The following COMMD10 variants were observed in gnomAD, a reference collection of about 807,000 sequenced individuals.
The protein encoded by COMMD10 is COMM domain-containing protein 10.
COMMD10 carries 33 observed loss-of-function variants against 28.9 expected under a neutral mutation model. That is an observed-to-expected ratio of 1.14 (90% CI 0.87 to 1.53). The LOEUF (loss-of-function observed/expected upper bound fraction) is 1.53, where lower values mean the gene tolerates loss of function less well. Among genes scored for constraint, COMMD10 ranks in the 40% most tolerant of loss-of-function variants. The pLI is 0.00. For missense variants in COMMD10, 310 were observed against 233.4 expected, an observed-to-expected ratio of 1.33 and a Z score of -2.14; for synonymous variants, 110 against 81.7, an observed-to-expected ratio of 1.35 and a Z score of -1.87.
At chr5:116,135,339 T>A in intron 5 of COMMD10, among the ~76,000 whole-genome samples, 1 of 152,240 alleles carries the variant, frequency 6.6e-6, no homozygotes, top group Non-Finnish European at 1.5e-5. Context: ...TGCAGGTTTC[T>A]GGCTTCTTTA....
At chr5:116,160,484 A>G (rs1412607907) in intron 5 of COMMD10, among the ~76,000 whole-genome samples, 1 of 152,216 alleles carries the variant, frequency 6.6e-6, no homozygotes, top group Non-Finnish European at 1.5e-5. Context: ...TAAAGCTAGA[A>G]AGACAGGAAT....
chr5:116,092,686 C>A lies in COMMD10; in HGVS notation c.385C>A (p.Leu129Met). The A allele has an allele frequency of 1.9e-6, 3 of 1,606,414 alleles. No individual in the cohort carries two copies. Among genetic ancestry groups the A allele is most frequent in the Non-Finnish European group, 2.6e-6 (3 of 1,176,216 alleles). ...AGTTGAAAAGTTCCGGCAGAGAATT[C>A]TGGCTCCCTGTAAGGTATAGAACAT... The part of the protein sequence containing the change: ...ETVEKFRQRI[L>M]APCKLETVGW... Residue 129 changes from leucine to methionine, a missense_variant, in exon 4 of 7, where the codon CTG becomes ATG. Transcript: ENST00000274458.
intron 5 of COMMD10, among the ~76,000 whole-genome samples, chr5:116,270,770 CTACTGAA>C (rs967688481): frequency 5.3e-5 from 8 of 151,768 alleles, no homozygotes; most frequent in Admixed American, 3.9e-4. Context: ...AACCCCATCT[CTACTGAA>C]TACAGAAGAA....
intron 5 of COMMD10, among the ~76,000 whole-genome samples, chr5:116,187,954 A>G (rs1267696688): frequency 6.6e-6 from 1 of 152,186 alleles, no homozygotes; most frequent in Non-Finnish European, 1.5e-5. Flanking sequence ...GTTTGGTAAT[A>G]TAGGAACCAA....
chr5:116,183,851 C>T (rs886178334), intron 5 of COMMD10, among the ~76,000 whole-genome samples: 6 of 151,982 alleles, frequency 3.9e-5, no homozygotes, highest in African/African-American at 7.2e-5. Context: ...GCAGGCTATA[C>T]GTGAATAGAA....
Position 116,225,352 on chromosome 5 carries a change from GGA to G in COMMD10, c.511-66164_511-66163del, listed in dbSNP as rs1491589189. On this transcript the variant is annotated intron_variant, in intron 5 of 6. Transcript: ENST00000274458. ...AAGACTTTCCTGTTTGTTTTTTTGGGGATTTTTTTTTTTTTTTTTGCATATGT... is the reference window on the plus strand; with the variant it reads ...AAGACTTTCCTGTTTGTTTTTTTGGGTTTTTTTTTTTTTTTTTGCATATGT... 1.9e-3 allele frequency among the ~76,000 whole-genome samples: 79 copies of G among 42,108 alleles called. 2 individuals are homozygous for G. Among genetic ancestry groups the G allele is most frequent in the Middle Eastern group, 0.028 (1 of 36 alleles). 27.6% of individuals were successfully genotyped at this position (42,108 alleles called of 152,430 possible). A position where few individuals can be genotyped will look rare whatever the true frequency, so the allele number is the denominator to read the frequency against.
intron 5 of COMMD10, among the ~76,000 whole-genome samples, chr5:116,194,588 G>C (rs1045363721): frequency 6.6e-6 from 1 of 152,096 alleles, no homozygotes; most frequent in Non-Finnish European, 1.5e-5. Flanking sequence ...TAAATTCCTG[G>C]AAAGATGCAA....
rs560037188 is a variant in COMMD10 at position 116,182,168 on chromosome 5, C to T, written c.510+47990C>T. Among the ~76,000 whole-genome samples the T allele has an allele frequency of 1.6e-4, 25 of 151,998 alleles. 1 individual carries two copies. The South Asian group carries it at 3.1e-3, about 19-fold the overall frequency. ...ACTAGGTCTGTTAAGAGGAGGGAGG[C>T]GCATTATTCAAGCAGACAATTGAAT... On this transcript the variant is annotated intron_variant, in intron 5 of 6. Coordinates refer to ENST00000274458, the MANE Select transcript of COMMD10 (RefSeq NM_016144.4).
At chr5:116,102,219 T>C (rs574245256) in intron 4 of COMMD10, among the ~76,000 whole-genome samples, 165 of 152,330 alleles carry the variant, frequency 1.1e-3, no homozygotes, top group Middle Eastern at 6.8e-3. Flanking sequence ...TAATTCATCT[T>C]GAGATTTTTT....
At chr5:116,096,464 C>G (rs1051730984) in intron 4 of COMMD10, among the ~76,000 whole-genome samples, 1 of 151,868 alleles carries the variant, frequency 6.6e-6, no homozygotes, top group Non-Finnish European at 1.5e-5. Flanking sequence ...GGTAAATTCA[C>G]TAATTAGTTT....
chr5:116,175,931 A>G (rs1008653328), intron 5 of COMMD10, among the ~76,000 whole-genome samples: 1 of 152,082 alleles, frequency 6.6e-6, no homozygotes, highest in African/African-American at 2.4e-5. Context: ...GAAGATGAAA[A>G]AGTCTGGAGA....
chr5:116,277,541 G>C (rs1285686970), intron 5 of COMMD10, among the ~76,000 whole-genome samples: 1 of 151,858 alleles, frequency 6.6e-6, no homozygotes, highest in Non-Finnish European at 1.5e-5. Context: ...ACAAGTGTTG[G>C]AGGTAAAATA....
At chr5:116,142,683 G>C (rs1379672730) in intron 5 of COMMD10, among the ~76,000 whole-genome samples, 1 of 151,598 alleles carries the variant, frequency 6.6e-6, no homozygotes, top group Non-Finnish European at 1.5e-5. Flanking sequence ...AAAAAGCCCA[G>C]ATATTTTTGT....
At chr5:116,127,775 T>G (rs13190092) in intron 4 of COMMD10, among the ~76,000 whole-genome samples, 124,899 of 152,038 alleles carry the variant, frequency 0.82, 51,459 homozygotes, top group African/African-American at 0.84. Context: ...GGGGCCTGTC[T>G]TGTGGTGGGG....
At chr5:116,092,754 T>C in intron 4 of COMMD10, 54 bp downstream of exon 4, 5 of 1,273,812 alleles carry the variant, frequency 3.9e-6, no homozygotes, top group Non-Finnish European at 5.3e-6. Context: ...GCATAAATTA[T>C]TATACCTGAA....
intron 5 of COMMD10, among the ~76,000 whole-genome samples, chr5:116,208,253 C>T (rs972807657): frequency 2.1e-4 from 32 of 152,168 alleles, no homozygotes; most frequent in African/African-American, 7.5e-4. Flanking sequence ...CAGCTGTATT[C>T]AGTTATAAAC....
At chr5:116,095,237 G>C (rs1255675019) in intron 4 of COMMD10, among the ~76,000 whole-genome samples, 1 of 152,056 alleles carries the variant, frequency 6.6e-6, no homozygotes, top group Non-Finnish European at 1.5e-5. Context: ...TAAATACCCT[G>C]ACATGATCAT....
chr5:116,246,654 G>A (rs1345713889), intron 5 of COMMD10, among the ~76,000 whole-genome samples: 1 of 151,996 alleles, frequency 6.6e-6, no homozygotes, highest in East Asian at 1.9e-4. Context: ...TAGCCTAATG[G>A]AACAGAATAG....
chr5:116,288,224 T>A (rs1385997220), intron 5 of COMMD10, among the ~76,000 whole-genome samples: 1 of 151,782 alleles, frequency 6.6e-6, no homozygotes, highest in Non-Finnish European at 1.5e-5. Context: ...TTAATAGTTT[T>A]TTTGTTTTTG....
Sources: allele counts gnomAD v4.1 joint callset (sites outside exome capture counted in the v4.1 genomes callset), GRCh38; gene constraint gnomAD v4.1.1; transcripts MANE v1.5; gene names NCBI Gene and HGNC (gene_info 2026-07-23, HGNC 2026-07-21).